Variants in ADAM12 observed in about 807,000 individuals in gnomAD.
The protein encoded by ADAM12 is ADAM metallopeptidase domain 12.
Under a neutral mutation model 106.4 loss-of-function variants are expected in ADAM12, and 70 were observed. That is an observed-to-expected ratio of 0.66 (90% CI 0.54 to 0.80). The LOEUF (loss-of-function observed/expected upper bound fraction) is 0.80. ADAM12 is among the 30% of genes least tolerant of loss of function. The probability of loss-of-function intolerance (pLI) is 0.00; values close to 1 mark genes in which losing one functional copy is unlikely to be tolerated. For synonymous variants in ADAM12, 420 were observed against 433.5 expected (o/e 0.97, Z 0.39); for missense variants, 1,010 against 1,171.9 (o/e 0.86, Z 2.02).
At chr10:126,286,080 T>A (rs1959844875) in intron 2 of ADAM12, among the ~76,000 whole-genome samples, 1 of 151,780 alleles carries the variant, frequency 6.6e-6, no homozygotes, top group African/African-American at 2.4e-5. Context: ...TCACCCATAA[T>A]GAACACAAAA....
chr10:126,249,873 C>T (rs1382474157), intron 3 of ADAM12, among the ~76,000 whole-genome samples: 1 of 152,150 alleles, frequency 6.6e-6, no homozygotes, highest in Non-Finnish European at 1.5e-5. Flanking sequence ...CCTGACTGCT[C>T]ATTATTGGAG....
intron 2 of ADAM12, among the ~76,000 whole-genome samples, chr10:126,294,259 T>C (rs1960275638): frequency 6.6e-6 from 1 of 152,218 alleles, no homozygotes; most frequent in Non-Finnish European, 1.5e-5. Flanking sequence ...GAATTTTGGC[T>C]GTTGATTTGC....
At chr10:126,165,787 G>T (rs928931672) in intron 3 of ADAM12, among the ~76,000 whole-genome samples, 1 of 152,146 alleles carries the variant, frequency 6.6e-6, no homozygotes, top group Non-Finnish European at 1.5e-5. Flanking sequence ...ACTTGAAAAC[G>T]GTGCTACGCT....
intron 3 of ADAM12, among the ~76,000 whole-genome samples, chr10:126,170,739 T>G (rs1957105250): frequency 6.6e-6 from 1 of 152,204 alleles, no homozygotes; most frequent in Admixed American, 6.5e-5. Context: ...TATGAAGTAG[T>G]CTTCTGTTTT....
At chr10:126,239,529 C>T (rs770923984) in intron 3 of ADAM12, among the ~76,000 whole-genome samples, 26 of 151,686 alleles carry the variant, frequency 1.7e-4, no homozygotes, top group African/African-American at 2.4e-4. Context: ...GGAACAAATC[C>T]GACCTTTCTA....
intron 3 of ADAM12, among the ~76,000 whole-genome samples, chr10:126,217,522 C>T (rs911450600): frequency 1.5e-4 from 23 of 151,786 alleles, no homozygotes; most frequent in Non-Finnish European, 3.1e-4. Flanking sequence ...AATGCACCAC[C>T]ATGCCCAGCT....
intron 5 of ADAM12, among the ~76,000 whole-genome samples, chr10:126,125,464 C>T (rs559470043): frequency 2.6e-5 from 4 of 152,016 alleles, no homozygotes; most frequent in Non-Finnish European, 4.4e-5. Context: ...AGGAGGGTCT[C>T]GATTTCCTGA....
At chr10:126,221,581 T>C (rs1958095864) in intron 3 of ADAM12, among the ~76,000 whole-genome samples, 1 of 152,016 alleles carries the variant, frequency 6.6e-6, no homozygotes, top group Non-Finnish European at 1.5e-5. Flanking sequence ...GTGGACAAGG[T>C]TAAAATGCTT....
At chr10:126,299,885 C>T (rs1960545105) in intron 2 of ADAM12, among the ~76,000 whole-genome samples, 1 of 152,176 alleles carries the variant, frequency 6.6e-6, no homozygotes, top group African/African-American at 2.4e-5. Context: ...CTCAGTTGAT[C>T]TGCCTGTCTC....
At chr10:126,167,494 G>C (rs1273329329) in intron 3 of ADAM12, among the ~76,000 whole-genome samples, 1 of 152,238 alleles carries the variant, frequency 6.6e-6, no homozygotes. Flanking sequence ...GGTCAAAACT[G>C]AAAGGAACAA....
intron 1 of ADAM12, among the ~76,000 whole-genome samples, chr10:126,351,085 G>A (rs537183926): frequency 2.0e-4 from 31 of 152,326 alleles, no homozygotes; most frequent in Middle Eastern, 3.4e-3. Flanking sequence ...GATTTCAAGC[G>A]AAGCTAGGCT....
chr10:126,040,185 A>G (rs1189394385), intron 18 of ADAM12, among the ~76,000 whole-genome samples: 1 of 152,214 alleles, frequency 6.6e-6, no homozygotes, highest in Non-Finnish European at 1.5e-5. Flanking sequence ...TACAGTAGCT[A>G]TGGTCAGCGG....
chr10:126,025,541 A>G (rs1564993958), intron 21 of ADAM12, among the ~76,000 whole-genome samples: 1 of 152,228 alleles, frequency 6.6e-6, no homozygotes, highest in Admixed American at 6.5e-5. Flanking sequence ...CGGATTATGT[A>G]GAGAGACCAA....
intron 11 of ADAM12, among the ~76,000 whole-genome samples, chr10:126,086,673 A>AAT (rs1392756837): frequency 6.9e-5 from 4 of 57,574 alleles, no homozygotes; most frequent in Non-Finnish European, 1.1e-4. Context: ...AAAAAAAAAA[A>AAT]AAAAAAAATA....
At chr10:126,383,652 T>C (rs141555338) in intron 1 of ADAM12, among the ~76,000 whole-genome samples, 3 of 152,136 alleles carry the variant, frequency 2.0e-5, no homozygotes, top group African/African-American at 7.2e-5. Context: ...CAGAATACCA[T>C]CAACTTCTCA....
chr10:126,269,541 C>T (rs774623634), intron 3 of ADAM12, among the ~76,000 whole-genome samples: 2 of 152,300 alleles, frequency 1.3e-5, no homozygotes, highest in South Asian at 2.1e-4. Context: ...AGTATCTGCA[C>T]GTAACCATCC....
At chr10:126,255,378 G>A (rs1032174493) in intron 3 of ADAM12, among the ~76,000 whole-genome samples, 8 of 152,012 alleles carry the variant, frequency 5.3e-5, no homozygotes, top group Admixed American at 1.3e-4. Flanking sequence ...ATGGTGTCCC[G>A]AGTCCAGCTC....
At chr10:126,087,046 A>T (rs1278362) in intron 11 of ADAM12, among the ~76,000 whole-genome samples, 88,399 of 151,034 alleles carry the variant, frequency 0.59, 26,028 homozygotes, top group East Asian at 0.69. Flanking sequence ...AAATTAAATT[A>T]AATTTAAAAA....
chr10:126,167,268 G>A (rs1451781250), intron 3 of ADAM12, among the ~76,000 whole-genome samples: 1 of 152,194 alleles, frequency 6.6e-6, no homozygotes, highest in Non-Finnish European at 1.5e-5. Context: ...CAACTTTGCC[G>A]GGGTCACACA....
Sources: gnomAD v4.1 joint callset for allele counts (sites outside exome capture counted in the v4.1 genomes callset) on GRCh38, gnomAD v4.1.1 for gene constraint, MANE v1.5 for transcripts, NCBI Gene and HGNC (gene_info 2026-07-23, HGNC 2026-07-21) for gene names.